Variants in RNASEH2B observed in about 807,000 individuals in gnomAD.
RNASEH2B encodes the protein Aicardi-Goutieres syndrome 2 protein.
In RNASEH2B, 36 loss-of-function variants were observed where a neutral mutation model predicts 45.0. That is an observed-to-expected ratio of 0.80 (90% CI 0.61 to 1.06). The LOEUF (loss-of-function observed/expected upper bound fraction) is 1.06, where lower values mean the gene tolerates loss of function less well. RNASEH2B is among the 50% of genes least tolerant of loss of function. The pLI is 0.00. For synonymous variants in RNASEH2B, 119 were observed against 125.7 expected, an observed-to-expected ratio of 0.95 and a Z score of 0.35; for missense variants, 361 against 360.3, an observed-to-expected ratio of 1.00 and a Z score of -0.02.
At chr13:50,929,323 T>A (rs1473815610) in intron 2 of RNASEH2B, 152 bp from the exon 3 acceptor site, 1 of 652,564 alleles carries the variant, frequency 1.5e-6, no homozygotes, top group Admixed American at 2.3e-5. Context: ...GCTGTAAGCT[T>A]TCCTTGGAAT....
Position 50,948,029 on chromosome 13 carries a change from T to A in RNASEH2B, c.659T>A (p.Ile220Asn), listed in dbSNP as rs747995413. 2 of 1,611,598 alleles carry A rather than the reference T, an allele frequency of 1.2e-6. No individual in the cohort carries two copies. Among genetic ancestry groups the A allele is most frequent in the Non-Finnish European group, 1.7e-6 (2 of 1,179,212 alleles). ...GCCCATGGTCTGATATCTGACTACA[T>A]CCCTAAAGAATTAAGTGATGACTTA... ...RYAHGLISDY[I>N]PKELSDDLSK... The change falls in exon 8 of 11, where the codon ATC becomes AAC. Residue 220 changes from isoleucine (I) to asparagine (N), a missense_variant. Ile to Asn is a moderately radical substitution (Grantham distance 149, BLOSUM62 -3). Transcript: ENST00000336617.
chr13:50,919,734 G>C (rs1287746040), intron 1 of RNASEH2B, among the ~76,000 whole-genome samples: 1 of 152,146 alleles, frequency 6.6e-6, no homozygotes, highest in Non-Finnish European at 1.5e-5. Flanking sequence ...GATAATAGTT[G>C]ACTGAGTTTA....
chr13:50,921,618 G>T (rs184210838), intron 1 of RNASEH2B, among the ~76,000 whole-genome samples: 1 of 152,106 alleles, frequency 6.6e-6, no homozygotes, highest in Non-Finnish European at 1.5e-5. Context: ...CCTAATACCA[G>T]GTATAGACTA....
downstream of RNASEH2B, among the ~76,000 whole-genome samples, chr13:50,958,824 G>T (rs1952081511): frequency 6.6e-6 from 1 of 152,128 alleles, no homozygotes; most frequent in Non-Finnish European, 1.5e-5. Context: ...CAGATTATAA[G>T]TAAATATTTG....
At chr13:50,923,225 A>G (rs115728895) in intron 1 of RNASEH2B, among the ~76,000 whole-genome samples, 1,853 of 152,272 alleles carry the variant, frequency 0.012, 32 homozygotes, top group African/African-American at 0.043. Flanking sequence ...CATTATGGGA[A>G]TCCCAGATGA....
chr13:50,948,256 C>T (rs542547166), intron 8 of RNASEH2B, 188 bp downstream of exon 8: 79 of 856,898 alleles, frequency 9.2e-5, no homozygotes, highest in South Asian at 2.2e-4. Context: ...TTGATGGATA[C>T]GGATTGCAGG....
At chr13:50,958,514 T>C (rs1952078591), downstream of RNASEH2B, among the ~76,000 whole-genome samples, 1 of 152,222 alleles carries the variant, frequency 6.6e-6, no homozygotes, top group African/African-American at 2.4e-5. Context: ...TAGTTTGCAG[T>C]TGGGTAATGT....
At chr13:50,918,434 G>T (rs565499136) in intron 1 of RNASEH2B, among the ~76,000 whole-genome samples, 23 of 152,188 alleles carry the variant, frequency 1.5e-4, no homozygotes, top group Middle Eastern at 3.2e-3. Context: ...ACTGCGCCCG[G>T]CCTCTAATTT....
chr13:50,910,197 G>C, intron 1 of RNASEH2B, 57 bp downstream of exon 1: 2 of 1,237,642 alleles, frequency 1.6e-6, no homozygotes, highest in South Asian at 2.0e-5. Context: ...AGCGGCCCGC[G>C]ACCCCGGGCG....
intron 9 of RNASEH2B, chr13:50,952,085 G>A (rs1661846801): frequency 6.6e-6 from 1 of 152,158 alleles, no homozygotes; most frequent in African/African-American, 2.4e-5. Flanking sequence ...CTTGAGCCCA[G>A]GAGTTCAAGG....
At chr13:50,929,383 T>G in intron 2 of RNASEH2B, 92 bp from the exon 3 acceptor site, 2 of 795,540 alleles carry the variant, frequency 2.5e-6, no homozygotes, top group Non-Finnish European at 4.4e-6. Flanking sequence ...TTAGGAACAT[T>G]CGTCAGAGAT....
intron 1 of RNASEH2B, among the ~76,000 whole-genome samples, chr13:50,922,408 A>C (rs891151830): frequency 2.6e-5 from 4 of 152,206 alleles, no homozygotes; most frequent in Non-Finnish European, 2.9e-5. Flanking sequence ...TGAGGTCCGG[A>C]GAAGGCAATA....
At chr13:50,918,067 G>A (rs1232534548) in intron 1 of RNASEH2B, among the ~76,000 whole-genome samples, 1 of 152,088 alleles carries the variant, frequency 6.6e-6, no homozygotes, top group Admixed American at 6.5e-5. Context: ...TTGTTGATAG[G>A]GACAGCCCTG....
intron 1 of RNASEH2B, among the ~76,000 whole-genome samples, chr13:50,923,385 G>A (rs932586777): frequency 1.1e-4 from 17 of 152,220 alleles, no homozygotes; most frequent in South Asian, 4.1e-4. Context: ...TGTGTGTGTC[G>A]TAGTCAAACT....
chr13:50,909,972 G>T lies in RNASEH2B; in HGVS notation c.-105G>T. 2 of 1,015,906 alleles carry T rather than the reference G, an allele frequency of 2.0e-6. No homozygotes were observed. 62.9% of individuals were successfully genotyped at this position (1,015,906 alleles called of 1,614,324 possible). ...TCCCGGGCGCTGCCGGTCCCTCAGC[G>T]CGCCGCGCCACCCGGAACAGACCCT... On this transcript the variant is annotated 5_prime_UTR_variant, in exon 1 of 11. Transcript: ENST00000336617.
At chr13:50,961,122 T>A (rs1952107611), downstream of RNASEH2B, among the ~76,000 whole-genome samples, 1 of 152,214 alleles carries the variant, frequency 6.6e-6, no homozygotes, top group African/African-American at 2.4e-5. Context: ...AATATCAGTG[T>A]TGTTGACTTT....
chr13:50,953,679 A>G (rs916265138), intron 9 of RNASEH2B: 7 of 582,204 alleles, frequency 1.2e-5, no homozygotes, highest in African/African-American at 1.1e-4. Context: ...TACTTACCCA[A>G]TCATATCCAC....
downstream of RNASEH2B, chr13:50,959,600 T>G (rs1362620546): frequency 1.3e-5 from 2 of 152,356 alleles, no homozygotes; most frequent in Non-Finnish European, 2.9e-5. Context: ...ATTACAGGCA[T>G]GTGCCACCAC....
At chr13:50,956,962 G>A (rs554526295), downstream of RNASEH2B, among the ~76,000 whole-genome samples, 19 of 150,024 alleles carry the variant, frequency 1.3e-4, 1 homozygote, top group East Asian at 3.3e-3. Flanking sequence ...GCAGTGGCGC[G>A]ATCTCGGCTC....
Sources: gnomAD v4.1 joint callset for allele counts (sites outside exome capture counted in the v4.1 genomes callset) on GRCh38, gnomAD v4.1.1 for gene constraint, MANE v1.5 for transcripts, NCBI Gene and HGNC (gene_info 2026-07-23, HGNC 2026-07-21) for gene names.